Variants in ACTMAP observed in about 807,000 individuals in gnomAD.
The protein encoded by ACTMAP is UPF0692 protein C19orf54.
chr19:40,742,855 C>G, the ACTMAP span: 18 of 1,338,896 alleles, frequency 1.3e-5, no homozygotes, highest in Non-Finnish European at 1.7e-5. Flanking sequence ...CTCTCCCGGC[C>G]CTCCAGGGTG....
the ACTMAP span, chr19:40,749,588 G>C: frequency 6.4e-7 from 1 of 1,551,304 alleles, no homozygotes; most frequent in Non-Finnish European, 8.7e-7. Flanking sequence ...CCAGGCCGAA[G>C]ACATGACGGG....
At chr19:40,747,853 A>T in the ACTMAP span, among the ~76,000 whole-genome samples, 3 of 152,078 alleles carry the variant, frequency 2.0e-5, no homozygotes, top group Non-Finnish European at 4.4e-5. Context: ...GCAACAGAGC[A>T]AGACCCTGTC....
the ACTMAP span, chr19:40,743,993 G>A: frequency 1.9e-6 from 3 of 1,614,024 alleles, no homozygotes; most frequent in Admixed American, 1.7e-5. Flanking sequence ...TGGCATTAAG[G>A]TAAAAACGAT....
the ACTMAP span, chr19:40,749,395 G>A: frequency 9.6e-6 from 13 of 1,349,694 alleles, no homozygotes; most frequent in Non-Finnish European, 1.3e-5. Flanking sequence ...TGATCTTGAG[G>A]ACACGGGAAC....
chr19:40,744,338 G>A, the ACTMAP span: 1 of 1,381,736 alleles, frequency 7.2e-7, no homozygotes, highest in South Asian at 1.5e-5. Flanking sequence ...CAAAGAGCGT[G>A]AGTGGCTTGT....
At chr19:40,750,015 C>T in the ACTMAP span, 3,161 of 442,800 alleles carry the variant, frequency 7.1e-3, 79 homozygotes, top group Admixed American at 0.063. Context: ...AGGCACCTGA[C>T]GGTTAACAGG....
chr19:40,744,787 C>G, the ACTMAP span: 1 of 1,432,982 alleles, frequency 7.0e-7, no homozygotes, highest in South Asian at 1.4e-5. Context: ...TCCCCCTCCC[C>G]TCTCCCAGGC....
At chr19:40,744,650 A>G in the ACTMAP span, 1 of 1,613,102 alleles carries the variant, frequency 6.2e-7, no homozygotes. Context: ...GCGACAGGAG[A>G]GTACCTGCCA....
chr19:40,749,493 AG>A, the ACTMAP span: 1 of 1,534,792 alleles, frequency 6.5e-7, no homozygotes, highest in Non-Finnish European at 8.8e-7. Context: ...GTCCTTGTGT[AG>A]TTTCAGAAGC....
chr19:40,748,392 C>A, the ACTMAP span, among the ~76,000 whole-genome samples: 1 of 152,088 alleles, frequency 6.6e-6, no homozygotes, highest in Admixed American at 6.6e-5. Flanking sequence ...AAAAAAGTGT[C>A]TGGAAAGCTT....
chr19:40,744,378 T>G, the ACTMAP span, among the ~76,000 whole-genome samples: 1 of 152,172 alleles, frequency 6.6e-6, no homozygotes, highest in Admixed American at 6.5e-5. Context: ...GTGGCAGAGC[T>G]GGGTTTGCAA....
At chr19:40,745,595 G>A in the ACTMAP span, among the ~76,000 whole-genome samples, 3 of 152,162 alleles carry the variant, frequency 2.0e-5, no homozygotes. Context: ...ACCTCCCAGG[G>A]TCAAGTTATT....
chr19:40,742,471 G>T, the ACTMAP span: 1 of 1,474,712 alleles, frequency 6.8e-7, no homozygotes, highest in Non-Finnish European at 9.0e-7. Flanking sequence ...AGCAGGGCCT[G>T]GCCACAGAGG....
the ACTMAP span, chr19:40,749,442 G>A: frequency 6.7e-7 from 1 of 1,493,058 alleles, no homozygotes; most frequent in Non-Finnish European, 9.1e-7. Flanking sequence ...AAGTGTCTAG[G>A]GCAGAGCCTG....
the ACTMAP span, chr19:40,741,280 A>G: frequency 1.0e-5 from 3 of 293,420 alleles, no homozygotes; most frequent in Non-Finnish European, 6.3e-6. Flanking sequence ...CGTCTCTACT[A>G]AAAATACAAA....
the ACTMAP span, chr19:40,740,958 C>T: frequency 2.5e-6 from 1 of 398,662 alleles, no homozygotes; most frequent in Non-Finnish European, 4.4e-6. Context: ...AGGCAGGCTC[C>T]AAGCAGGCTG....
At chr19:40,749,646 G>A in the ACTMAP span, 1 of 1,549,164 alleles carries the variant, frequency 6.5e-7, no homozygotes, top group Non-Finnish European at 8.7e-7. Context: ...GAGCGGTGGG[G>A]GAACAGGGGT....
the ACTMAP span, chr19:40,749,690 A>G: frequency 4.6e-6 from 7 of 1,534,290 alleles, no homozygotes; most frequent in Non-Finnish European, 6.1e-6. Context: ...GTAAAGCTGA[A>G]AAGTCCAGGG....
the ACTMAP span, among the ~76,000 whole-genome samples, chr19:40,746,510 G>T: frequency 6.6e-6 from 1 of 151,990 alleles, no homozygotes; most frequent in South Asian, 2.1e-4. Flanking sequence ...CGAATAGCTG[G>T]GACTGCAGGC....
Sources: allele counts gnomAD v4.1 joint callset (sites outside exome capture counted in the v4.1 genomes callset), GRCh38; gene constraint gnomAD v4.1.1; transcripts MANE v1.5; gene names NCBI Gene and HGNC (gene_info 2026-07-23, HGNC 2026-07-21).